EVL: variants seen among roughly 807,000 people sequenced by gnomAD.
EVL encodes the protein ena/VASP-like protein.
A neutral mutation model predicts 59.6 loss-of-function variants in EVL; 21 were observed. That is an observed-to-expected ratio of 0.35 (90% CI 0.25 to 0.51). The LOEUF (loss-of-function observed/expected upper bound fraction) is 0.51, where lower values mean the gene tolerates loss of function less well. EVL is among the 20% of genes least tolerant of loss of function. EVL has a pLI of 0.97. For synonymous variants in EVL, 198 were observed against 203.5 expected, an observed-to-expected ratio of 0.97 and a Z score of 0.23; for missense variants, 462 against 546.6, an observed-to-expected ratio of 0.85 and a Z score of 1.54.
intron 2 of EVL, among the ~76,000 whole-genome samples, chr14:100,093,558 T>C (rs2062608944): frequency 6.6e-6 from 1 of 152,110 alleles, no homozygotes; most frequent in Non-Finnish European, 1.5e-5. Flanking sequence ...ACTGCAGTTG[T>C]AGATAGAACA....
rs535604817 is a variant in EVL, at chr14:100,100,136, A to G, written c.358+2478A>G. ...GCCCTCATTTTCAGATAAGAAAGCC[A>G]TGCCGCATTATGAGGAAACAACTTC... On this transcript the variant is annotated intron_variant, in intron 3 of 13. Transcript: ENST00000392920. Among the ~76,000 whole-genome samples, 7 of 152,266 alleles carry G rather than the reference A, an allele frequency of 4.6e-5. No homozygotes were observed. In the South Asian group the frequency reaches 1.5e-3, roughly 32 times the overall value.
upstream of EVL, among the ~76,000 whole-genome samples, chr14:100,064,093 T>G (rs956369785): frequency 2.0e-5 from 3 of 152,216 alleles, no homozygotes; most frequent in Non-Finnish European, 2.9e-5. Flanking sequence ...AAACAGTGCT[T>G]AAAGGGAAAT....
At chr14:100,060,496 T>C (rs949664607), upstream of EVL, among the ~76,000 whole-genome samples, 1 of 151,112 alleles carries the variant, frequency 6.6e-6, no homozygotes, top group African/African-American at 2.4e-5. Flanking sequence ...AAAAATTTAC[T>C]GGATGAGACT....
intron 1 of EVL, among the ~76,000 whole-genome samples, chr14:99,981,066 C>A (rs2060802836): frequency 6.7e-6 from 1 of 148,930 alleles, no homozygotes; most frequent in Non-Finnish European, 1.5e-5. Context: ...TATTGAGATC[C>A]TATCTCAAAA....
Position 100,137,652 on chromosome 14 carries a change from G to A in EVL, c.1031+8G>A, listed in dbSNP as rs201441852. The A allele has an allele frequency of 7.4e-6, 12 of 1,614,160 alleles. No homozygotes were observed. In the East Asian group the frequency reaches 1.3e-4, roughly 18 times the overall value. ...GTCCTCGATTCTGTCCAGGTGAGCT[G>A]CCCCAGGAAGGCCTGAGCAGCGAGG... is the stretch of plus-strand genomic sequence containing the variant. On this transcript the variant is annotated splice_region_variant and intron_variant, in intron 10 of 13. Coordinates refer to ENST00000392920, the MANE Select transcript of EVL (RefSeq NM_016337.3).
chr14:100,037,356 T>G (rs1027246725), intron 1 of EVL, among the ~76,000 whole-genome samples: 1 of 152,236 alleles, frequency 6.6e-6, no homozygotes, highest in African/African-American at 2.4e-5. Context: ...AAAGCCTTTC[T>G]AACAGGGGCC....
rs961347948 is a variant in EVL, at chr14:100,130,040, C to T, written c.839+356C>T. The stretch of plus-strand genomic sequence containing the variant: ...GATCCTAACAGAAATAAGATGTGGC[C>T]GCAGTGGTCGAGTTTGCAGAGGACA... On this transcript the variant is annotated intron_variant, in intron 7 of 13. Transcript: ENST00000392920. This position sits in a 1 kb window ranked among gnomAD's most constrained non-coding sequence, Gnocchi z 4.8. 6.6e-6 allele frequency among the ~76,000 whole-genome samples: 1 copy of T among 152,162 alleles called. No individual in the cohort carries two copies. Among genetic ancestry groups the T allele is most frequent in the Non-Finnish European group, 1.5e-5 (1 of 68,026 alleles).
chr14:100,133,322 C>T (rs1321681622), intron 8 of EVL, among the ~76,000 whole-genome samples: 1 of 152,196 alleles, frequency 6.6e-6, no homozygotes, highest in African/African-American at 2.4e-5. Flanking sequence ...CCAGTTAGGG[C>T]GGCTAATTCT....
intron 1 of EVL, among the ~76,000 whole-genome samples, chr14:99,990,567 A>G (rs900928546): frequency 6.6e-6 from 1 of 152,094 alleles, no homozygotes; most frequent in African/African-American, 2.4e-5. Context: ...GACTACTTTA[A>G]ATACTTAAAC....
At chr14:100,065,534 G>C in intron 1 of EVL, 23 bp downstream of exon 1, 1 of 1,406,914 alleles carries the variant, frequency 7.1e-7, no homozygotes, top group Non-Finnish European at 9.6e-7. Context: ...ACCAGTGCAG[G>C]GGACAGAGGG....
upstream of EVL, among the ~76,000 whole-genome samples, chr14:100,062,324 T>C (rs563785007): frequency 3.3e-5 from 5 of 151,952 alleles, no homozygotes; most frequent in Middle Eastern, 6.8e-3. Flanking sequence ...AGAATGAAAT[T>C]ATGCAATTAT....
intron 11 of EVL, 106 bp from the exon 12 acceptor site, chr14:100,141,074 G>T: frequency 9.4e-7 from 1 of 1,067,262 alleles, no homozygotes; most frequent in Non-Finnish European, 1.4e-6. Context: ...CAGCCTCTAT[G>T]GAGCGAGGGG....
At chr14:100,044,359 A>C (rs1441732277) in intron 1 of EVL, among the ~76,000 whole-genome samples, 3 of 152,248 alleles carry the variant, frequency 2.0e-5, no homozygotes, top group Admixed American at 6.5e-5. Context: ...CTTTCACAAC[A>C]CACAGTATTT....
At chr14:100,084,951 A>T in intron 2 of EVL, 96 bp downstream of exon 2, 1 of 1,376,256 alleles carries the variant, frequency 7.3e-7, no homozygotes, top group Admixed American at 2.1e-5. Context: ...GGTCAGAACA[A>T]AAAGGTCAAT....
intron 5 of EVL, 115 bp from the exon 6 acceptor site, chr14:100,128,404 T>C (rs1415405927): frequency 9.5e-7 from 1 of 1,047,958 alleles, no homozygotes; most frequent in East Asian, 2.4e-5. Flanking sequence ...CTGTTTCTCA[T>C]CCCTTTGGGG....
chr14:100,026,758 A>G (rs1476211845), intron 1 of EVL, among the ~76,000 whole-genome samples: 2 of 152,134 alleles, frequency 1.3e-5, no homozygotes, highest in South Asian at 4.2e-4. Flanking sequence ...ATCCCTACCA[A>G]CTACTGCTGA....
chr14:100,037,426 T>C (rs1284154894), intron 1 of EVL, among the ~76,000 whole-genome samples: 1 of 152,222 alleles, frequency 6.6e-6, no homozygotes, highest in Non-Finnish European at 1.5e-5. Context: ...AGAGTTAATC[T>C]TCCTTCTCAT....
chr14:100,124,836 C>T (rs576521262), intron 4 of EVL, among the ~76,000 whole-genome samples: 116 of 152,288 alleles, frequency 7.6e-4, no homozygotes, highest in African/African-American at 2.5e-3. Context: ...GGTCACTGGC[C>T]GTCCGGGAAT....
chr14:100,068,924 A>G (rs2061993185), intron 1 of EVL, among the ~76,000 whole-genome samples: 1 of 152,200 alleles, frequency 6.6e-6, no homozygotes, highest in African/African-American at 2.4e-5. Flanking sequence ...TTTTGGGGCC[A>G]GCCAGTTAAT....
Sources: allele counts gnomAD v4.1 joint callset (sites outside exome capture counted in the v4.1 genomes callset), GRCh38; gene constraint gnomAD v4.1.1; non-coding constraint Gnocchi (gnomAD v3.1); transcripts MANE v1.5; gene names NCBI Gene and HGNC (gene_info 2026-07-23, HGNC 2026-07-21).